Variants in ZBTB43 observed in about 807,000 individuals in gnomAD.
ZBTB43 encodes zinc finger and BTB domain containing 43.
A neutral mutation model predicts 31.1 loss-of-function variants in ZBTB43; 6 were observed. That is an observed-to-expected ratio of 0.19 (90% CI 0.11 to 0.38). ZBTB43 has a LOEUF of 0.38. Among genes scored for constraint, ZBTB43 ranks in the 10% least tolerant of loss-of-function variants. The pLI, the probability that ZBTB43 is intolerant of heterozygous loss-of-function variation, is 1.00. For synonymous variants in ZBTB43, 212 were observed against 221.7 expected, an observed-to-expected ratio of 0.96 and a Z score of 0.39; for missense variants, 379 against 602.1, an observed-to-expected ratio of 0.63 and a Z score of 3.88.
rs1341583507 is a variant in ZBTB43 at position 126,832,982 on chromosome 9, G to A, written c.473G>A (p.Gly158Asp). Residue 158 changes from glycine (G) to aspartate (D), a missense_variant, in exon 3 of 3, where the codon GGC (glycine) becomes GAC (aspartate). Around this residue, in one of 5 missense-constraint regions of ZBTB43, gnomAD observed 253 missense variants for 322.3 expected, o/e 0.79. Transcript: ENST00000373464. ...GGCCTGGTAGAGAGCTTTGAGCTGG[G>A]CTCTGGGGGTCATACTGATTTTCCC... ...YNGLVESFEL[G>D]SGGHTDFPKA... 6.2e-7 allele frequency: 1 copy of A among 1,613,786 alleles called. No homozygotes were observed. The highest frequency in any genetic ancestry group is 8.5e-7 in the Non-Finnish European group (1 of 1,180,004).
At chr9:126,804,121 G>A (rs1307274667), upstream of ZBTB43, among the ~76,000 whole-genome samples, 1 of 152,128 alleles carries the variant, frequency 6.6e-6, no homozygotes, top group Admixed American at 6.6e-5. Flanking sequence ...CGGGTCCAAA[G>A]GTAAGAGTCC....
At chr9:126,826,623 C>T (rs369211319) in intron 2 of ZBTB43, among the ~76,000 whole-genome samples, 8 of 152,028 alleles carry the variant, frequency 5.3e-5, no homozygotes, top group African/African-American at 1.9e-4. Context: ...GCCACCACGC[C>T]TGGCTAATTT....
chr9:126,831,208 T>C (rs2032755223), intron 2 of ZBTB43, among the ~76,000 whole-genome samples: 1 of 152,172 alleles, frequency 6.6e-6, no homozygotes, highest in Admixed American at 6.5e-5. Flanking sequence ...TCTAATGGTC[T>C]CCTTTCAGTT....
chr9:126,831,171 GC>G (rs1220451315), intron 2 of ZBTB43, among the ~76,000 whole-genome samples: 1 of 152,062 alleles, frequency 6.6e-6, no homozygotes, highest in African/African-American at 2.4e-5. Flanking sequence ...AAGCCCCCAG[GC>G]CCCTCACTCC....
chr9:126,833,363 C>T lies in ZBTB43; in HGVS notation c.854C>T (p.Ser285Leu), dbSNP rs1315106681. ...CAGACAGAGCACACGGTGCAGCCTTCGGGAGTGGAGGAGGACTTCCACATC... is the reference window on the plus strand; with the variant it reads ...CAGACAGAGCACACGGTGCAGCCTTTGGGAGTGGAGGAGGACTTCCACATC... ...TVQTEHTVQP[S>L]GVEEDFHIGE... is the part of the protein sequence containing the mutation. Residue 285 changes from serine to leucine, a missense_variant, in exon 3 of 3, where the codon TCG becomes TTG. By Grantham distance (145) the Ser-to-Leu change is moderately radical (BLOSUM62 -2). This residue lies in a region of ZBTB43 where 253 missense variants were observed against 322.3 expected (regional missense o/e 0.79). Coordinates refer to ENST00000373464, the MANE Select transcript of ZBTB43 (RefSeq NM_014007.4). This position sits in a 1 kb window ranked among gnomAD's most constrained non-coding sequence, Gnocchi z 7.9. The T allele has an allele frequency of 1.6e-5, 25 of 1,612,896 alleles. No homozygotes were observed. Among genetic ancestry groups the T allele is most frequent in the Admixed American group, 5.0e-5 (3 of 59,762 alleles).
chr9:126,820,967 CAAA>C (rs36023653), intron 2 of ZBTB43, among the ~76,000 whole-genome samples: 8 of 83,486 alleles, frequency 9.6e-5, no homozygotes, highest in Admixed American at 1.6e-4. Context: ...ACCCCCATCT[CAAA>C]AAAAAAAAAA....
Position 126,832,687 on chromosome 9 carries a change from G to A in ZBTB43, c.178G>A (p.Asp60Asn). The change falls in exon 3 of 3, where the codon GAC (aspartate) becomes AAC (asparagine). Residue 60 changes from aspartate (D) to asparagine (N), a missense_variant. This residue lies in a region of ZBTB43 where 79 missense variants were observed against 134.4 expected (regional missense o/e 0.59). Transcript: ENST00000373464. ...TGCTGCCAGTTCACCCTACTTTTGT[G>A]ACCAGGTACTCCTGAAAAACAGCAG... ...VLAASSPYFC[D>N]QVLLKNSRRI... is the part of the protein sequence containing the mutation. 1 of 1,614,138 alleles carries A rather than the reference G, an allele frequency of 6.2e-7. No homozygotes were observed. Among genetic ancestry groups the A allele is most frequent in the Non-Finnish European group, 8.5e-7 (1 of 1,180,046 alleles).
chr9:126,809,464 A>G (rs1343609359), intron 2 of ZBTB43, among the ~76,000 whole-genome samples: 1 of 152,264 alleles, frequency 6.6e-6, no homozygotes, highest in African/African-American at 2.4e-5. Flanking sequence ...GCAAGTTACC[A>G]TATGCTCTGA....
chr9:126,816,540 G>C (rs2032389961), intron 2 of ZBTB43, among the ~76,000 whole-genome samples: 1 of 152,156 alleles, frequency 6.6e-6, no homozygotes, highest in South Asian at 2.1e-4. Flanking sequence ...TATATCCACA[G>C]ACCTGTGTTG....
chr9:126,832,103 G>A (rs1348174037), intron 2 of ZBTB43: 1 of 173,432 alleles, frequency 5.8e-6, no homozygotes, highest in Non-Finnish European at 1.2e-5. Context: ...CTCCAGCCTG[G>A]GCAACAGAGC....
Position 126,822,016 on chromosome 9 carries a change from C to T in ZBTB43, c.-23-10471C>T, listed in dbSNP as rs2032523731. 2.6e-5 allele frequency among the ~76,000 whole-genome samples: 4 copies of T among 152,124 alleles called. 1 individual carries two copies. In the South Asian group the frequency reaches 8.3e-4, roughly 32 times the overall value. On this transcript the variant is annotated intron_variant, in intron 2 of 2. Coordinates refer to ENST00000373464, the MANE Select transcript of ZBTB43 (RefSeq NM_014007.4). ...CGATTACAGTCGCCCACCACCACACCCAGCTAATTTTTGTATTTTTAGTAG... is the reference window on the plus strand; with the variant it reads ...CGATTACAGTCGCCCACCACCACACTCAGCTAATTTTTGTATTTTTAGTAG...
rs1237201643 is a variant in ZBTB43, at chr9:126,832,676, C to T, written c.167C>T (p.Pro56Leu). 2 of 1,614,106 alleles carry T rather than the reference C, an allele frequency of 1.2e-6. No homozygotes were observed. Among genetic ancestry groups the T allele is most frequent in the South Asian group, 2.2e-5 (2 of 91,072 alleles). ...AHKAVLAASS[P>L]YFCDQVLLKN... Reference sequence around the variant, plus strand: ...AAAGCCGTTCTTGCTGCCAGTTCACCCTACTTTTGTGACCAGGTACTCCTG... The same window carrying T: ...AAAGCCGTTCTTGCTGCCAGTTCACTCTACTTTTGTGACCAGGTACTCCTG... Residue 56 changes from proline to leucine, a missense_variant, in exon 3 of 3, where the codon CCC becomes CTC. Physicochemically the swap from Pro to Leu is moderately conservative, Grantham distance 98 (BLOSUM62 -3). Coordinates refer to ENST00000373464, the MANE Select transcript of ZBTB43 (RefSeq NM_014007.4).
chr9:126,810,450 C>G (rs1459117417), intron 2 of ZBTB43, among the ~76,000 whole-genome samples: 1 of 151,386 alleles, frequency 6.6e-6, no homozygotes, highest in African/African-American at 2.4e-5. Context: ...GTCTCGTGCT[C>G]CCAAAGTGCT....
chr9:126,830,189 A>T (rs531042324), intron 2 of ZBTB43, among the ~76,000 whole-genome samples: 8 of 152,336 alleles, frequency 5.3e-5, no homozygotes, highest in Admixed American at 4.6e-4. Context: ...CAAGCCCTAC[A>T]TTTGCAGAGT....
chr9:126,807,929 G>A (rs534971802), intron 1 of ZBTB43, among the ~76,000 whole-genome samples: 2 of 152,182 alleles, frequency 1.3e-5, no homozygotes, highest in African/African-American at 2.4e-5. Context: ...GAGCCACTGC[G>A]CTGGGCCTGA....
chr9:126,814,773 A>G (rs1338075413), intron 2 of ZBTB43, among the ~76,000 whole-genome samples: 1 of 152,192 alleles, frequency 6.6e-6, no homozygotes, highest in Non-Finnish European at 1.5e-5. Context: ...AGCCTGGGCA[A>G]CAGAGCAAGA....
intron 2 of ZBTB43, among the ~76,000 whole-genome samples, chr9:126,820,486 A>G (rs1282549057): frequency 6.6e-6 from 1 of 152,194 alleles, no homozygotes; most frequent in African/African-American, 2.4e-5. Flanking sequence ...CCCACTGTTG[A>G]GACCTACTGC....
intron 2 of ZBTB43, among the ~76,000 whole-genome samples, chr9:126,810,495 CTT>C (rs1163411798): frequency 0.014 from 1,058 of 73,302 alleles, 11 homozygotes; most frequent in African/African-American, 0.053. Context: ...GCCCAGCCGT[CTT>C]TTTTTTTTTT....
rs763847462 is a variant in ZBTB43 at position 126,832,964 on chromosome 9, T to G, written c.455T>G (p.Val152Gly). ...SPSSSSYNGL[V>G]ESFELGSGGH... The stretch of plus-strand genomic sequence containing the variant: ...AGCAGCAGTAGTTATAATGGCCTGG[T>G]AGAGAGCTTTGAGCTGGGCTCTGGG... Residue 152 changes from valine to glycine, a missense_variant, in exon 3 of 3, where the codon GTA becomes GGA. This residue lies in a region of ZBTB43 where 253 missense variants were observed against 322.3 expected (regional missense o/e 0.79). Coordinates refer to ENST00000373464, the MANE Select transcript of ZBTB43 (RefSeq NM_014007.4). 13 of 1,613,572 alleles carry G rather than the reference T, an allele frequency of 8.1e-6. No homozygotes were observed. Among genetic ancestry groups the G allele is most frequent in the Non-Finnish European group, 1.1e-5 (13 of 1,180,010 alleles).
Sources: allele counts gnomAD v4.1 joint callset (sites outside exome capture counted in the v4.1 genomes callset), GRCh38; gene constraint gnomAD v4.1.1; regional missense constraint gnomAD v4.1.1; non-coding constraint Gnocchi (gnomAD v3.1); transcripts MANE v1.5; gene names NCBI Gene and HGNC (gene_info 2026-07-23, HGNC 2026-07-21).